DSEL: variants seen among roughly 807,000 people sequenced by gnomAD.
DSEL encodes dermatan sulfate epimerase like.
A neutral mutation model predicts 96.6 loss-of-function variants in DSEL; 61 were observed. That is an observed-to-expected ratio of 0.63 (90% CI 0.51 to 0.78). The LOEUF is 0.78. DSEL is among the 30% of genes least tolerant of loss of function. The pLI is 0.00. For missense variants in DSEL, 1,320 were observed against 1,430.8 expected (o/e 0.92, Z 1.25); for synonymous variants, 514 against 502.0 (o/e 1.02, Z -0.32).
At position 67,516,218 on chromosome 18, in the gene DSEL, G is replaced by A. The variant is rs888736885; in HGVS notation, c.-885+143C>T. ...GTCTCCCCTCTGTAGGAAACATTCA[G>A]GCTAGGAGTTTCCTGATCCGCCCCG... On this transcript the variant is annotated intron_variant, in intron 1 of 1. Transcript: ENST00000310045. This position sits in a 1 kb window ranked among gnomAD's most constrained non-coding sequence, Gnocchi z 5.6. The A allele has an allele frequency of 1.3e-5, 2 of 152,306 alleles. No individual in the cohort carries two copies. Among genetic ancestry groups the A allele is most frequent in the Non-Finnish European group, 2.9e-5 (2 of 68,102 alleles). 9.4% of individuals were successfully genotyped at this position (152,306 alleles called of 1,614,324 possible). A position where few individuals can be genotyped will look rare whatever the true frequency, so the allele number is the denominator to read the frequency against.
Position 67,513,378 on chromosome 18 carries a change from T to A in DSEL, c.1231A>T (p.Thr411Ser). ...GTAACCACACCCCAGTTAGGGAATG[T>A]GTGTATTTTTGCAGTACCATAATCA... ...PADYGTAKIHTFPNWGVVTYG... is the reference protein window; with the variant it reads ...PADYGTAKIHSFPNWGVVTYG... Residue 411 changes from threonine to serine, a missense_variant, in exon 2 of 2, where the codon ACA (threonine) becomes TCA (serine). Transcript: ENST00000310045. 1.2e-6 allele frequency: 2 copies of A among 1,614,148 alleles called. No individual in the cohort carries two copies. Among genetic ancestry groups the A allele is most frequent in the Non-Finnish European group, 1.7e-6 (2 of 1,180,026 alleles).
At position 67,514,721 on chromosome 18, in the gene DSEL, T is replaced by C; in HGVS notation, c.-113A>G. Reference sequence around the variant, plus strand: ...AAAGGCCTTGATAAGACAAAGACTGTAAATCTGATATGCTGTGAAATCCAG... The same window carrying C: ...AAAGGCCTTGATAAGACAAAGACTGCAAATCTGATATGCTGTGAAATCCAG... On this transcript the variant is annotated 5_prime_UTR_variant, in exon 2 of 2. Transcript: ENST00000310045. The C allele has an allele frequency of 8.5e-7, 1 of 1,182,506 alleles. No individual in the cohort carries two copies. Among genetic ancestry groups the C allele is most frequent in the Non-Finnish European group, 1.2e-6 (1 of 833,866 alleles). The allele number at this position is 1,182,506 out of a possible 1,614,324, so 73.3% of individuals were successfully genotyped here.
In DSEL at chr18:67,511,074, T is replaced by C; in HGVS notation, c.3535A>G (p.Thr1179Ala). The change falls in exon 2 of 2, where the codon ACT becomes GCT. Residue 1179 changes from threonine to alanine, a missense_variant. Physicochemically the swap from Thr to Ala is moderately conservative, Grantham distance 58 (BLOSUM62 0). Around this residue, in one of 3 missense-constraint regions of DSEL, gnomAD observed 986 missense variants for 1,066.4 expected, o/e 0.92. Coordinates refer to ENST00000310045, the MANE Select transcript of DSEL (RefSeq NM_032160.3). ...GGCAAGTTCTGTTTCCAAACATTAGTATTAGTTGGTGATATTTCCCCTTCA... is the reference window on the plus strand; with the variant it reads ...GGCAAGTTCTGTTTCCAAACATTAGCATTAGTTGGTGATATTTCCCCTTCA... Reference protein sequence around the residue: ...PYEGEISPTNTNVWKQNLPRD... With the variant: ...PYEGEISPTNANVWKQNLPRD... 6.2e-7 allele frequency: 1 copy of C among 1,614,022 alleles called. No homozygotes were observed. Among genetic ancestry groups the C allele is most frequent in the South Asian group, 1.1e-5 (1 of 91,070 alleles).
Position 67,514,716 on chromosome 18 carries a change from G to C in DSEL, c.-108C>G. ...ACAGTAAAGGCCTTGATAAGACAAA[G>C]ACTGTAAATCTGATATGCTGTGAAA... is the stretch of plus-strand genomic sequence containing the variant. On this transcript the variant is annotated 5_prime_UTR_variant, in exon 2 of 2. Coordinates refer to ENST00000310045, the MANE Select transcript of DSEL (RefSeq NM_032160.3). 8.0e-7 allele frequency: 1 copy of C among 1,249,512 alleles called. No homozygotes were observed. Among genetic ancestry groups the C allele is most frequent in the African/African-American group, 1.5e-5 (1 of 66,370 alleles). The allele number at this position is 1,249,512 out of a possible 1,614,324, so 77.4% of individuals were successfully genotyped here.
rs761376015 is a variant in DSEL at position 67,513,918 on chromosome 18, C to T, written c.691G>A (p.Ala231Thr). 14 of 1,613,992 alleles carry T rather than the reference C, an allele frequency of 8.7e-6. No homozygotes were observed. Among genetic ancestry groups the T allele is most frequent in the Non-Finnish European group, 1.1e-5 (13 of 1,179,990 alleles). ...GTCACCAAGGCCCCTGTGAGTAATGCTATCATATTAGTGGCTTGGTGGTTA... is the reference window on the plus strand; with the variant it reads ...GTCACCAAGGCCCCTGTGAGTAATGTTATCATATTAGTGGCTTGGTGGTTA... ...LHNHQATNMIALLTGALVTGV... is the reference protein window; with the variant it reads ...LHNHQATNMITLLTGALVTGV... Residue 231 changes from alanine (A) to threonine (T), a missense_variant, in exon 2 of 2, where the codon GCA (alanine) becomes ACA (threonine). Coordinates refer to ENST00000310045, the MANE Select transcript of DSEL (RefSeq NM_032160.3).
rs1213300580 is a variant in DSEL, at chr18:67,509,061, G to C, written c.*1909C>G. The C allele has an allele frequency of 6.6e-6, 1 of 152,192 alleles. No homozygotes were observed. The highest frequency in any genetic ancestry group is 1.5e-5 in the Non-Finnish European group (1 of 68,054). The allele number at this position is 152,192 out of a possible 1,614,324, so 9.4% of individuals were successfully genotyped here. A position where few individuals can be genotyped will look rare whatever the true frequency, so the allele number is the denominator to read the frequency against. ...CAACAGGTACATTTCTGTATTGTCT[G>C]TACAATGTTAAAATAAAGGGAACAG... On this transcript the variant is annotated 3_prime_UTR_variant, in exon 2 of 2. Transcript: ENST00000310045.
chr18:67,513,317 G>A lies in DSEL; in HGVS notation c.1292C>T (p.Thr431Ile), dbSNP rs761218652. ...GAGLPNTQTN[T>I]FVSFKSGKLG... Reference sequence around the variant, plus strand: ...CTTCCCAGATTTAAAAGACACAAAGGTGTTGGTCTGTGTGTTTGGCAACCC... The same window carrying A: ...CTTCCCAGATTTAAAAGACACAAAGATGTTGGTCTGTGTGTTTGGCAACCC... Residue 431 changes from threonine (T) to isoleucine (I), a missense_variant, in exon 2 of 2, where the codon ACC becomes ATC. Transcript: ENST00000310045. 4 of 1,614,198 alleles carry A rather than the reference G, an allele frequency of 2.5e-6. No homozygotes were observed. Among genetic ancestry groups the A allele is most frequent in the Non-Finnish European group, 3.4e-6 (4 of 1,180,044 alleles).
At position 67,508,731 on chromosome 18, in the gene DSEL, CTT is replaced by C. The variant is rs71171183; in HGVS notation, c.*2237_*2238del. ...TGCCAACAGGTACATTTCTTTTTTT[CTT>C]TTTTTTTTTTTTTTGAGGCGGAGTC... On this transcript the variant is annotated 3_prime_UTR_variant, in exon 2 of 2. Transcript: ENST00000310045. 9 of 126,802 alleles carry C rather than the reference CTT, an allele frequency of 7.1e-5. No individual in the cohort carries two copies. Among genetic ancestry groups the C allele is most frequent in the East Asian group, 2.3e-4 (1 of 4,372 alleles). 7.9% of individuals were successfully genotyped at this position (126,802 alleles called of 1,614,324 possible).
In DSEL at chr18:67,506,818, T is replaced by C. The variant is rs1008280728; in HGVS notation, c.*4152A>G. 1.5e-4 allele frequency: 23 copies of C among 152,198 alleles called. No homozygotes were observed. Among genetic ancestry groups the C allele is most frequent in the Non-Finnish European group, 1.5e-4 (10 of 68,042 alleles). 9.4% of individuals were successfully genotyped at this position (152,198 alleles called of 1,614,324 possible). A position where few individuals can be genotyped will look rare whatever the true frequency, so the allele number is the denominator to read the frequency against. On this transcript the variant is annotated 3_prime_UTR_variant, in exon 2 of 2. Transcript: ENST00000310045. The stretch of plus-strand genomic sequence containing the variant: ...ACTTAGACTAAATATAAATAACCCA[T>C]ATAAATGGTAGCTCAAACATCTCAA...
chr18:67,511,131 C>A lies in DSEL; in HGVS notation c.3478G>T (p.Ala1160Ser). The change falls in exon 2 of 2, where the codon GCC becomes TCC. Residue 1160 changes from alanine (A) to serine (S), a missense_variant. This residue lies in a region of DSEL where 986 missense variants were observed against 1,066.4 expected (regional missense o/e 0.92). Transcript: ENST00000310045. The part of the protein sequence containing the change: ...SPASLNQILF[A>S]TSTNLFYLPY... ...AGGTAAAAAAGGTTTGTAGAGGTGG[C>A]AAACAATATTTGGTTTAAACTAGCA... 6.2e-7 allele frequency: 1 copy of A among 1,614,118 alleles called. No homozygotes were observed. Among genetic ancestry groups the A allele is most frequent in the Non-Finnish European group, 8.5e-7 (1 of 1,180,028 alleles).
Position 67,506,737 on chromosome 18 carries a change from G to C in DSEL, c.*4233C>G, listed in dbSNP as rs1366686138. The C allele has an allele frequency of 6.6e-6, 1 of 151,970 alleles. No homozygotes were observed. The highest frequency in any genetic ancestry group is 1.5e-5 in the Non-Finnish European group (1 of 67,986). 9.4% of individuals were successfully genotyped at this position (151,970 alleles called of 1,614,324 possible). A position where few individuals can be genotyped will look rare whatever the true frequency, so the allele number is the denominator to read the frequency against. ...ACGACGAACAAAAAATTAATTGCTT[G>C]GAAGACTTAGTTGAATCTATCCATG... On this transcript the variant is annotated 3_prime_UTR_variant, in exon 2 of 2. Coordinates refer to ENST00000310045, the MANE Select transcript of DSEL (RefSeq NM_032160.3).
intron 1 of DSEL, 48 bp from the exon 2 acceptor site, chr18:67,515,540 T>C (rs1236775382): frequency 1.2e-5 from 2 of 163,874 alleles, no homozygotes; most frequent in Middle Eastern, 6.8e-3. Context: ...TCAGGTATGC[T>C]GAGAATGAAT....
chr18:67,514,820 G>A lies in DSEL; in HGVS notation c.-212C>T. On this transcript the variant is annotated 5_prime_UTR_variant, in exon 2 of 2. Coordinates refer to ENST00000310045, the MANE Select transcript of DSEL (RefSeq NM_032160.3). ...CTTAAATTGTATATCTCTGTCCCTG[G>A]CACAGTTTTGCTTCCAGTAAAACTT... The A allele has an allele frequency of 1.8e-6, 1 of 541,708 alleles. No homozygotes were observed. Among genetic ancestry groups the A allele is most frequent in the Non-Finnish European group, 3.3e-6 (1 of 306,034 alleles). 33.6% of individuals were successfully genotyped at this position (541,708 alleles called of 1,614,324 possible).
chr18:67,510,889 A>G lies in DSEL; in HGVS notation c.*81T>C. On this transcript the variant is annotated 3_prime_UTR_variant, in exon 2 of 2. Coordinates refer to ENST00000310045, the MANE Select transcript of DSEL (RefSeq NM_032160.3). ...GTGCACACACACACACACACTAAAG[A>G]ATAAACAAACTCTTCTGATTCATAT... 8.3e-7 allele frequency: 1 copy of G among 1,205,344 alleles called. No homozygotes were observed. 74.7% of individuals were successfully genotyped at this position (1,205,344 alleles called of 1,614,324 possible).
At chr18:67,515,731 C>T (rs1359265281) in intron 1 of DSEL, among the ~76,000 whole-genome samples, 1 of 152,102 alleles carries the variant, frequency 6.6e-6, no homozygotes, top group Non-Finnish European at 1.5e-5. Context: ...ACAAAATATA[C>T]AAGATAGAAC....
Position 67,506,946 on chromosome 18 carries a change from C to T in DSEL, c.*4024G>A, listed in dbSNP as rs949060636. On this transcript the variant is annotated 3_prime_UTR_variant, in exon 2 of 2. Coordinates refer to ENST00000310045, the MANE Select transcript of DSEL (RefSeq NM_032160.3). Reference sequence around the variant, plus strand: ...TTTAAAAATGATATGGATAATTTTTCTTCCGAAATGAAGTGAAATCATGAT... The same window carrying T: ...TTTAAAAATGATATGGATAATTTTTTTTCCGAAATGAAGTGAAATCATGAT... The T allele has an allele frequency of 4.6e-5, 7 of 152,270 alleles. No individual in the cohort carries two copies. Among genetic ancestry groups the T allele is most frequent in the Middle Eastern group, 3.4e-3 (1 of 294 alleles). 9.4% of individuals were successfully genotyped at this position (152,270 alleles called of 1,614,324 possible).
At position 67,511,766 on chromosome 18, in the gene DSEL, G is replaced by T; in HGVS notation, c.2843C>A (p.Ala948Asp). The T allele has an allele frequency of 6.2e-7, 1 of 1,613,980 alleles. No homozygotes were observed. Among genetic ancestry groups the T allele is most frequent in the South Asian group, 1.1e-5 (1 of 91,058 alleles). Residue 948 changes from alanine to aspartate, a missense_variant, in exon 2 of 2, where the codon GCC (alanine) becomes GAC (aspartate). Around this residue, in one of 3 missense-constraint regions of DSEL, gnomAD observed 986 missense variants for 1,066.4 expected, o/e 0.92. Transcript: ENST00000310045. ...GTCCTTATTCATTGCAAAATATTGG[G>T]CCAGTTTACCCCTATTGGGTTCATG... Reference protein sequence around the residue: ...HLHEPNRGKLAQYFAMNKDKK... With the variant: ...HLHEPNRGKLDQYFAMNKDKK...
Position 67,511,083 on chromosome 18 carries a change from G to A in DSEL, c.3526C>T (p.Pro1176Ser). 1 of 1,614,088 alleles carries A rather than the reference G, an allele frequency of 6.2e-7. No individual in the cohort carries two copies. Among genetic ancestry groups the A allele is most frequent in the Non-Finnish European group, 8.5e-7 (1 of 1,179,976 alleles). ...FYLPYEGEISPTNTNVWKQNL... is the reference protein window; with the variant it reads ...FYLPYEGEISSTNTNVWKQNL... ...TGTTTCCAAACATTAGTATTAGTTG[G>A]TGATATTTCCCCTTCATAGGGAAGG... Residue 1176 changes from proline to serine, a missense_variant, in exon 2 of 2, where the codon CCA (proline) becomes TCA (serine). This residue lies in a region of DSEL where 986 missense variants were observed against 1,066.4 expected (regional missense o/e 0.92). Coordinates refer to ENST00000310045, the MANE Select transcript of DSEL (RefSeq NM_032160.3).
At position 67,511,846 on chromosome 18, in the gene DSEL, G is replaced by A. The variant is rs1450928151; in HGVS notation, c.2763C>T (p.Gly921=). ...IRSGHFRLLR[G]WLQSLVQDTK... is the part of the protein sequence containing the mutation. ...TGTCCTGGACTAAAGACTGCAACCA[G>A]CCTCGGAGTAAACGAAAATGCCCAC... The change falls in exon 2 of 2, where the codon GGC becomes GGT. Residue 921 remains glycine (G), a synonymous_variant. Transcript: ENST00000310045. 1.9e-6 allele frequency: 3 copies of A among 1,614,014 alleles called. No individual in the cohort carries two copies. The highest frequency in any genetic ancestry group is 1.1e-5 in the South Asian group (1 of 91,090).
Sources: gnomAD v4.1 joint callset for allele counts (sites outside exome capture counted in the v4.1 genomes callset) on GRCh38, gnomAD v4.1.1 for gene constraint, gnomAD v4.1.1 regional missense constraint, Gnocchi (gnomAD v3.1) non-coding constraint, MANE v1.5 for transcripts, NCBI Gene and HGNC (gene_info 2026-07-23, HGNC 2026-07-21) for gene names.